ROBO2: variants seen among roughly 807,000 people sequenced by gnomAD.
ROBO2 encodes the protein roundabout guidance receptor 2, also known as roundabout homolog 2.
In ROBO2, 53 loss-of-function variants were observed where a neutral mutation model predicts 160.8. The observed-to-expected ratio is 0.33, with a 90% CI of 0.26 to 0.41. The LOEUF (loss-of-function observed/expected upper bound fraction) is 0.41, where lower values mean the gene tolerates loss of function less well. ROBO2 is among the 10% of genes least tolerant of loss of function. ROBO2 has a pLI of 1.00. For synonymous variants in ROBO2, 664 were observed against 611.7 expected, an observed-to-expected ratio of 1.09 and a Z score of -1.26; for missense variants, 1,577 against 1,722.4, an observed-to-expected ratio of 0.92 and a Z score of 1.49.
At chr3:76,175,163 G>C (rs529839823) in intron 2 of ROBO2, among the ~76,000 whole-genome samples, 9 of 152,004 alleles carry the variant, frequency 5.9e-5, no homozygotes, top group South Asian at 4.2e-4. Flanking sequence ...CTCTCTGCTT[G>C]TCTATTATTG....
intron 2 of ROBO2, among the ~76,000 whole-genome samples, chr3:76,698,126 G>A (rs2092969090): frequency 6.6e-6 from 1 of 152,194 alleles, no homozygotes; most frequent in Non-Finnish European, 1.5e-5. Context: ...TTTATTCACT[G>A]GTTAGGCTTT....
intron 2 of ROBO2, among the ~76,000 whole-genome samples, chr3:75,952,062 A>G (rs1948559203): frequency 6.6e-6 from 1 of 152,040 alleles, no homozygotes; most frequent in African/African-American, 2.4e-5. Context: ...CAAAGACTGG[A>G]CTTCAATGTC....
intron 2 of ROBO2, among the ~76,000 whole-genome samples, chr3:76,244,026 T>C (rs182757274): frequency 6.6e-6 from 1 of 152,316 alleles, no homozygotes; most frequent in East Asian, 1.9e-4. Flanking sequence ...TAGCAACTAA[T>C]AATTATGTAT....
intron 2 of ROBO2, among the ~76,000 whole-genome samples, chr3:76,460,955 A>C (rs1021460180): frequency 6.6e-6 from 1 of 152,210 alleles, no homozygotes; most frequent in African/African-American, 2.4e-5. Flanking sequence ...ACAATACAGA[A>C]ACAAAGCCAT....
intron 12 of ROBO2, among the ~76,000 whole-genome samples, chr3:77,565,650 C>T (rs79614036): frequency 0.022 from 3,402 of 152,088 alleles, 129 homozygotes; most frequent in African/African-American, 0.077. Flanking sequence ...TTTTAACAAA[C>T]CCTCCTTGTG....
chr3:76,964,327 T>G (rs1361813647), intron 2 of ROBO2, among the ~76,000 whole-genome samples: 1 of 152,066 alleles, frequency 6.6e-6, no homozygotes, highest in Admixed American at 6.6e-5. Flanking sequence ...ATACTCCTTT[T>G]GTTTTTGTTT....
intron 2 of ROBO2, among the ~76,000 whole-genome samples, chr3:76,357,109 T>G (rs1250734293): frequency 3.3e-5 from 5 of 151,840 alleles, no homozygotes; most frequent in Non-Finnish European, 5.9e-5. Flanking sequence ...TAAATAGTCA[T>G]GTGTTTGAAG....
chr3:76,420,255 T>C (rs1168720685), intron 2 of ROBO2, among the ~76,000 whole-genome samples: 2 of 152,274 alleles, frequency 1.3e-5, no homozygotes, highest in Middle Eastern at 3.4e-3. Flanking sequence ...GCTCAAGCAA[T>C]CTTCTCATCT....
intron 2 of ROBO2, among the ~76,000 whole-genome samples, chr3:76,697,436 G>A (rs2092950997): frequency 6.6e-6 from 1 of 152,058 alleles, no homozygotes; most frequent in African/African-American, 2.4e-5. Context: ...TTGAGTCCAG[G>A]AATTGAAGAC....
At chr3:77,342,305 C>A (rs1165462728) in intron 2 of ROBO2, among the ~76,000 whole-genome samples, 1 of 152,042 alleles carries the variant, frequency 6.6e-6, no homozygotes, top group Non-Finnish European at 1.5e-5. Flanking sequence ...AAGCTCTGGG[C>A]ATCATTAAAG....
At chr3:76,819,540 T>A (rs2065943351) in intron 2 of ROBO2, among the ~76,000 whole-genome samples, 1 of 151,960 alleles carries the variant, frequency 6.6e-6, no homozygotes, top group Admixed American at 6.6e-5. Context: ...CTCTAAAAAG[T>A]GTAACTTAAG....
At chr3:77,216,039 G>A (rs1175807642) in intron 2 of ROBO2, among the ~76,000 whole-genome samples, 2 of 152,172 alleles carry the variant, frequency 1.3e-5, no homozygotes. Context: ...GGACCCACTT[G>A]AGGAGGCAGT....
chr3:77,348,627 T>G (rs79884811), intron 2 of ROBO2, among the ~76,000 whole-genome samples: 15 of 152,318 alleles, frequency 9.8e-5, no homozygotes, highest in African/African-American at 3.4e-4. Context: ...CACACGCCTC[T>G]GACAAAGCTA....
intron 2 of ROBO2, among the ~76,000 whole-genome samples, chr3:76,327,560 G>C (rs572377072): frequency 6.6e-6 from 1 of 152,232 alleles, no homozygotes; most frequent in African/African-American, 2.4e-5. Flanking sequence ...TATTTAATAA[G>C]AATCTTTCGT....
intron 2 of ROBO2, among the ~76,000 whole-genome samples, chr3:76,394,439 G>A (rs2077317921): frequency 6.6e-6 from 1 of 152,078 alleles, no homozygotes; most frequent in Non-Finnish European, 1.5e-5. Flanking sequence ...TAAGAATGTT[G>A]AATATCGGCC....
intron 2 of ROBO2, among the ~76,000 whole-genome samples, chr3:76,166,937 TTTTG>T (rs571803952): frequency 9.9e-5 from 15 of 151,904 alleles, no homozygotes; most frequent in South Asian, 2.1e-4. Flanking sequence ...ACACTTGAGT[TTTTG>T]TTTGTTTGTT....
chr3:76,881,228 A>T (rs1000425097), intron 2 of ROBO2, among the ~76,000 whole-genome samples: 1 of 152,150 alleles, frequency 6.6e-6, no homozygotes, highest in African/African-American at 2.4e-5. Flanking sequence ...ACAAGAGCTA[A>T]TCCTTAAAAC....
chr3:77,131,086 G>A (rs2075815494), intron 2 of ROBO2, among the ~76,000 whole-genome samples: 1 of 152,094 alleles, frequency 6.6e-6, no homozygotes, highest in African/African-American at 2.4e-5. Context: ...GCATTAATGG[G>A]ACTGAGATGT....
chr3:76,247,190 T>C (rs1462390319), intron 2 of ROBO2, among the ~76,000 whole-genome samples: 1 of 152,138 alleles, frequency 6.6e-6, no homozygotes, highest in East Asian at 1.9e-4. Flanking sequence ...TTCTTACGTG[T>C]GTTCAATCTG....
Sources: gnomAD v4.1 joint callset for allele counts (sites outside exome capture counted in the v4.1 genomes callset) on GRCh38, gnomAD v4.1.1 for gene constraint, MANE v1.5 for transcripts, NCBI Gene and HGNC (gene_info 2026-07-23, HGNC 2026-07-21) for gene names.